The following NRXN2 variants were observed in gnomAD, a reference collection of about 807,000 sequenced individuals.
NRXN2 encodes the protein neurexin 2.
In NRXN2, 29 loss-of-function variants were observed where a neutral mutation model predicts 128.8. That is an observed-to-expected ratio of 0.23 (90% CI 0.17 to 0.31). The LOEUF (loss-of-function observed/expected upper bound fraction) is 0.31. Ranked by LOEUF, NRXN2 falls within the 10% of genes least tolerant of loss-of-function variation. NRXN2 has a pLI of 1.00. For missense variants in NRXN2, 1,881 were observed against 2,452.6 expected (o/e 0.77, Z 4.92); for synonymous variants, 1,098 against 1,075.2 (o/e 1.02, Z -0.41).
At chr11:64,712,886 C>A in intron 2 of NRXN2, 84 bp downstream of exon 2, 1 of 1,231,978 alleles carries the variant, frequency 8.1e-7, no homozygotes. Flanking sequence ...GCCTCAGGAG[C>A]CCACACACAC....
chr11:64,616,943 C>G (rs1387565499), intron 22 of NRXN2, among the ~76,000 whole-genome samples: 1 of 152,210 alleles, frequency 6.6e-6, no homozygotes, highest in Admixed American at 6.5e-5. Context: ...GAGCTCTAAG[C>G]ACACACATGC....
At position 64,688,509 on chromosome 11, in the gene NRXN2, G is replaced by C. The variant is rs75868990; in HGVS notation, c.850+1896C>G. ...GATTCTACTGGGGTGAGCCTGTAGG[G>C]GCGGCGGAGGGGCTCAGCAGAGCAC... On this transcript the variant is annotated intron_variant, in intron 5 of 22. Coordinates refer to ENST00000265459, the MANE Select transcript of NRXN2 (RefSeq NM_015080.4). 1.4e-3 allele frequency: 1,418 copies of C among 985,410 alleles called. 51 individuals are homozygous for C. The East Asian group carries it at 0.091, about 63-fold the overall frequency. The allele number at this position is 985,410 out of a possible 1,614,324, so 61.0% of individuals were successfully genotyped here.
chr11:64,665,972 T>C (rs516117), intron 9 of NRXN2, among the ~76,000 whole-genome samples: 49,427 of 151,960 alleles, frequency 0.33, 10,300 homozygotes, highest in African/African-American at 0.59. Context: ...CAGGCATCTG[T>C]CTGACCCCAG....
intron 21 of NRXN2, among the ~76,000 whole-genome samples, chr11:64,621,454 T>G (rs1034938569): frequency 1.3e-5 from 2 of 152,280 alleles, no homozygotes; most frequent in African/African-American, 4.8e-5. Flanking sequence ...GGGCAAAGTC[T>G]TCAGGTCTCC....
intron 5 of NRXN2, among the ~76,000 whole-genome samples, chr11:64,686,201 C>G (rs2053025984): frequency 6.6e-6 from 1 of 152,186 alleles, no homozygotes; most frequent in Admixed American, 6.5e-5. Context: ...GGCTCCCACA[C>G]TGACAGCTGA....
At chr11:64,673,545 G>A (rs1004992004) in intron 7 of NRXN2, among the ~76,000 whole-genome samples, 2 of 152,182 alleles carry the variant, frequency 1.3e-5, no homozygotes, top group East Asian at 3.8e-4. Context: ...AGGTCTATGA[G>A]GCCACCAAAA....
chr11:64,642,407 G>C, intron 17 of NRXN2: 1 of 1,323,968 alleles, frequency 7.6e-7, no homozygotes, highest in Non-Finnish European at 9.9e-7. Flanking sequence ...AAGGGGCTCC[G>C]GGACGCAAAG....
chr11:64,616,504 T>C (rs1490356485), intron 22 of NRXN2, among the ~76,000 whole-genome samples: 1 of 152,116 alleles, frequency 6.6e-6, no homozygotes, highest in African/African-American at 2.4e-5. Context: ...CTGTGTGTGT[T>C]ACACAGGTGG....
At position 64,607,602 on chromosome 11, in the gene NRXN2, G is replaced by T; in HGVS notation, c.4733C>A (p.Pro1578Gln). The change falls in exon 23 of 23, where the codon CCG (proline) becomes CAG (glutamine). Residue 1578 changes from proline (P) to glutamine (Q), a missense_variant. Pro to Gln is a moderately conservative substitution (Grantham distance 76). This residue lies in a region of NRXN2 where 310 missense variants were observed against 318.2 expected (regional missense o/e 0.97). Transcript: ENST00000265459. The part of the protein sequence containing the change: ...RDPLQPLLEN[P>Q]PLGPGAPTSF... The stretch of plus-strand genomic sequence containing the variant: ...CGTGGGGGCCCCGGGCCCCAAGGGC[G>T]GGTTCTCCAGCAAGGGCTGAAGCGG... The T allele has an allele frequency of 2.0e-6, 3 of 1,536,942 alleles. No individual in the cohort carries two copies. Among genetic ancestry groups the T allele is most frequent in the East Asian group, 2.4e-5 (1 of 41,314 alleles).
chr11:64,660,781 G>C lies in NRXN2; in HGVS notation c.2157C>G (p.Thr719=). The change falls in exon 10 of 23, where the codon ACC becomes ACG. Residue 719 remains threonine (T), a synonymous_variant. Transcript: ENST00000265459. This position sits in a 1 kb window ranked among gnomAD's most constrained non-coding sequence, Gnocchi z 5.2. Reference sequence around the variant, plus strand: ...TCTCACAGACCCGCCCAAGAAAGCCGGTCCCGATGCAGTCACAGATGAAGC... The same window carrying C: ...TCTCACAGACCCGCCCAAGAAAGCCCGTCCCGATGCAGTCACAGATGAAGC... ...WNRFICDCIG[T]GFLGRVCERE... 2 of 1,613,340 alleles carry C rather than the reference G, an allele frequency of 1.2e-6. No homozygotes were observed. The highest frequency in any genetic ancestry group is 1.7e-6 in the Non-Finnish European group (2 of 1,180,002).
At chr11:64,636,789 C>T (rs1029225987) in intron 17 of NRXN2, among the ~76,000 whole-genome samples, 4 of 151,888 alleles carry the variant, frequency 2.6e-5, no homozygotes, top group African/African-American at 9.7e-5. Flanking sequence ...GCCTTGCCAG[C>T]AGCCAAGGAG....
At position 64,667,467 on chromosome 11, in the gene NRXN2, A is replaced by T; in HGVS notation, c.1581T>A (p.Asn527Lys). ...ISLDFRTTEP[N>K]GLLLFSQGRR... ...GGCCCTGGCTGAAGAGCAGCAGCCCATTGGGCTCGGTGGTGCGGAAGTCTA... is the reference window on the plus strand; with the variant it reads ...GGCCCTGGCTGAAGAGCAGCAGCCCTTTGGGCTCGGTGGTGCGGAAGTCTA... The change falls in exon 9 of 23, where the codon AAT becomes AAA. Residue 527 changes from asparagine (N) to lysine (K), a missense_variant. Transcript: ENST00000265459. The surrounding 1 kb of genome is among the most constrained non-coding windows in gnomAD (Gnocchi z 5.6). 1 of 1,614,012 alleles carries T rather than the reference A, an allele frequency of 6.2e-7. No homozygotes were observed.
At position 64,623,500 on chromosome 11, in the gene NRXN2, C is replaced by T. The variant is rs2042665226; in HGVS notation, c.3848-422G>A. Reference sequence around the variant, plus strand: ...CCTGCCCCAGTGTCCAGCCCCAAGCCCTGAAGCCATGGAGCCCCTGGAAGA... The same window carrying T: ...CCTGCCCCAGTGTCCAGCCCCAAGCTCTGAAGCCATGGAGCCCCTGGAAGA... On this transcript the variant is annotated intron_variant, in intron 20 of 22. Transcript: ENST00000265459. This position sits in a 1 kb window ranked among gnomAD's most constrained non-coding sequence, Gnocchi z 4.9. 4.2e-6 allele frequency: 1 copy of T among 240,004 alleles called. No individual in the cohort carries two copies. Among genetic ancestry groups the T allele is most frequent in the Admixed American group, 5.1e-5 (1 of 19,604 alleles). 14.9% of individuals were successfully genotyped at this position (240,004 alleles called of 1,614,324 possible). A position where few individuals can be genotyped will look rare whatever the true frequency, so the allele number is the denominator to read the frequency against.
chr11:64,710,570 T>C (rs2056793354), intron 2 of NRXN2, among the ~76,000 whole-genome samples: 1 of 152,126 alleles, frequency 6.6e-6, no homozygotes, highest in Non-Finnish European at 1.5e-5. Flanking sequence ...AGGGACCGGT[T>C]ACCCTAACCT....
chr11:64,617,249 T>G (rs756425310), intron 22 of NRXN2, among the ~76,000 whole-genome samples: 1 of 152,062 alleles, frequency 6.6e-6, no homozygotes, highest in African/African-American at 2.4e-5. Flanking sequence ...TAGGGCTGTA[T>G]GTGTGCATGC....
chr11:64,683,673 A>T (rs1242309296), intron 6 of NRXN2, among the ~76,000 whole-genome samples: 1 of 152,062 alleles, frequency 6.6e-6, no homozygotes, highest in African/African-American at 2.4e-5. Flanking sequence ...CCCTTTTTAA[A>T]GAGAGCACTC....
intron 20 of NRXN2, 23 bp downstream of exon 20, chr11:64,626,440 A>T: frequency 6.5e-7 from 1 of 1,550,292 alleles, no homozygotes; most frequent in Non-Finnish European, 8.9e-7. Flanking sequence ...TAATTAATTA[A>T]TTAATTAATT....
In NRXN2 at chr11:64,690,421, C is replaced by T. The variant is rs2053642554; in HGVS notation, c.834G>A (p.Val278=). ...GTCACTGACCTTTTGTTGGCTGGTG[C>T]ACATCGCCGGCTCCTCCTCTCCCGG... is the stretch of plus-strand genomic sequence containing the variant. ...GGAGRGGAGD[V]HQPTKGKEEF... Residue 278 remains valine (V), a synonymous_variant, in exon 5 of 23, where the codon GTG becomes GTA. Coordinates refer to ENST00000265459, the MANE Select transcript of NRXN2 (RefSeq NM_015080.4). The T allele has an allele frequency of 3.1e-6, 5 of 1,613,108 alleles. No homozygotes were observed. Among genetic ancestry groups the T allele is most frequent in the Non-Finnish European group, 4.2e-6 (5 of 1,179,744 alleles).
At chr11:64,708,281 A>G (rs2056545661) in intron 2 of NRXN2, among the ~76,000 whole-genome samples, 1 of 152,088 alleles carries the variant, frequency 6.6e-6, no homozygotes, top group Non-Finnish European at 1.5e-5. Flanking sequence ...ACACATTACG[A>G]CTAGTTTCCT....
Sources: gnomAD v4.1 joint callset for allele counts (sites outside exome capture counted in the v4.1 genomes callset) on GRCh38, gnomAD v4.1.1 for gene constraint, gnomAD v4.1.1 regional missense constraint, Gnocchi (gnomAD v3.1) non-coding constraint, MANE v1.5 for transcripts, NCBI Gene and HGNC (gene_info 2026-07-23, HGNC 2026-07-21) for gene names.